RNLS: variants seen among roughly 807,000 people sequenced by gnomAD.
RNLS encodes the protein renalase, FAD dependent amine oxidase, also known as renalase.
In RNLS, 39 loss-of-function variants were observed where a neutral mutation model predicts 39.8. The ratio of observed to expected loss-of-function variants is 0.98; its 90% CI spans 0.76 to 1.28. RNLS has a LOEUF of 1.28. RNLS is among the 50% of genes most tolerant of loss of function. RNLS has a pLI of 0.00. For missense variants in RNLS, 410 were observed against 413.3 expected, an observed-to-expected ratio of 0.99 and a Z score of 0.07; for synonymous variants, 147 against 150.7, an observed-to-expected ratio of 0.98 and a Z score of 0.18.
chr10:88,321,648 CT>C (rs1268276321), intron 5 of RNLS, among the ~76,000 whole-genome samples: 3 of 151,848 alleles, frequency 2.0e-5, no homozygotes, highest in Admixed American at 2.0e-4. Context: ...ACAAAAGATT[CT>C]CAGAAGCTAT....
intron 4 of RNLS, among the ~76,000 whole-genome samples, chr10:88,377,235 CACATAT>C (rs1050638174): frequency 6.3e-5 from 3 of 47,548 alleles, no homozygotes; most frequent in Admixed American, 2.1e-4. Context: ...CACATACACA[CACATAT>C]ACACACACAC....
chr10:88,253,805 T>A, the RNLS span, among the ~76,000 whole-genome samples: 5 of 151,928 alleles, frequency 3.3e-5, no homozygotes, highest in African/African-American at 1.2e-4. Context: ...CTCCCTCCCC[T>A]CCTCCTGGCC....
At chr10:88,519,212 C>T (rs1846571986) in intron 4 of RNLS, among the ~76,000 whole-genome samples, 1 of 151,896 alleles carries the variant, frequency 6.6e-6, no homozygotes, top group Non-Finnish European at 1.5e-5. Context: ...ATCAAATATT[C>T]TATCCTTATC....
At chr10:88,473,251 G>A (rs1001762539) in intron 4 of RNLS, among the ~76,000 whole-genome samples, 1 of 152,116 alleles carries the variant, frequency 6.6e-6, no homozygotes, top group Non-Finnish European at 1.5e-5. Flanking sequence ...CCATTATGTG[G>A]CACATGACTG....
At position 88,528,468 on chromosome 10, in the gene RNLS, G is replaced by C. The variant is rs376855582; in HGVS notation, c.526+44435C>G. ...GAAACAGGATACAACATAGGGAAGAGGTGATGAGAATGCCCTGGATGATAA... is the reference window on the plus strand; with the variant it reads ...GAAACAGGATACAACATAGGGAAGACGTGATGAGAATGCCCTGGATGATAA... On this transcript the variant is annotated intron_variant, in intron 4 of 6. Coordinates refer to ENST00000331772, the MANE Select transcript of RNLS (RefSeq NM_001031709.3). Among the ~76,000 whole-genome samples the C allele has an allele frequency of 1.2e-4, 19 of 152,252 alleles. No individual in the cohort carries two copies. The East Asian group carries it at 3.1e-3, about 25-fold the overall frequency.
At chr10:88,554,226 C>A (rs1011423065) in intron 4 of RNLS, among the ~76,000 whole-genome samples, 1 of 151,030 alleles carries the variant, frequency 6.6e-6, no homozygotes, top group East Asian at 1.9e-4. Context: ...TATTTGAAGT[C>A]CTTAATTTTA....
At chr10:88,222,942 CAT>C in the RNLS span, among the ~76,000 whole-genome samples, 1 of 152,240 alleles carries the variant, frequency 6.6e-6, no homozygotes, top group Admixed American at 6.5e-5. Context: ...CTTTTGGAAG[CAT>C]AGTCTCAAAT....
Position 88,572,972 on chromosome 10 carries a change from G to C in RNLS, c.457C>G (p.Gln153Glu). 1.2e-6 allele frequency: 2 copies of C among 1,614,032 alleles called. No individual in the cohort carries two copies. The highest frequency in any genetic ancestry group is 1.6e-4 in the Middle Eastern group (1 of 6,062). ...ATTGTGAGAACAATAAGATCAAACTGCTCAGGGGAGCCTGTTTGTTTGGAT... is the reference window on the plus strand; with the variant it reads ...ATTGTGAGAACAATAAGATCAAACTCCTCAGGGGAGCCTGTTTGTTTGGAT... ...EVSKQTGSPE[Q>E]FDLIVLTMPV... The change falls in exon 4 of 7, where the codon CAG becomes GAG. Residue 153 changes from glutamine to glutamate, a missense_variant. By Grantham distance (29) the Gln-to-Glu change is conservative. Transcript: ENST00000331772.
rs529134087 is a variant in RNLS at position 88,526,517 on chromosome 10, C to G, written c.526+46386G>C. 2.6e-5 allele frequency among the ~76,000 whole-genome samples: 4 copies of G among 152,098 alleles called. No homozygotes were observed. In the East Asian group the frequency reaches 7.7e-4, roughly 29 times the overall value. On this transcript the variant is annotated intron_variant, in intron 4 of 6. Transcript: ENST00000331772. ...CTAGCTCAGGTCTGTAATCCCAACA[C>G]TTTGGGAGGCTGAGGTGGGAGGATC...
intron 4 of RNLS, among the ~76,000 whole-genome samples, chr10:88,487,755 A>T (rs1487432410): frequency 6.6e-6 from 1 of 152,190 alleles, no homozygotes; most frequent in East Asian, 1.9e-4. Context: ...AAAAGAAAAT[A>T]CATGTTCATA....
intron 5 of RNLS, among the ~76,000 whole-genome samples, chr10:88,360,213 C>T (rs558407234): frequency 6.6e-6 from 1 of 152,088 alleles, no homozygotes; most frequent in South Asian, 2.1e-4. Flanking sequence ...CCTAACAAAA[C>T]TCTATTTTAT....
At chr10:88,519,004 C>T (rs1336999219) in intron 4 of RNLS, among the ~76,000 whole-genome samples, 4 of 152,012 alleles carry the variant, frequency 2.6e-5, no homozygotes, top group African/African-American at 9.7e-5. Flanking sequence ...AATACTTTCT[C>T]CATCTTCCAC....
intron 4 of RNLS, among the ~76,000 whole-genome samples, chr10:88,553,532 C>G (rs992286635): frequency 6.6e-6 from 1 of 152,116 alleles, no homozygotes; most frequent in Non-Finnish European, 1.5e-5. Context: ...ATGGTAATCT[C>G]TCATTAAGAT....
chr10:88,360,333 C>A (rs1163689822), intron 5 of RNLS, among the ~76,000 whole-genome samples: 1 of 152,172 alleles, frequency 6.6e-6, no homozygotes, highest in Non-Finnish European at 1.5e-5. Context: ...TTTGCTAGCA[C>A]CTGGTTTTGG....
intron 4 of RNLS, among the ~76,000 whole-genome samples, chr10:88,427,437 T>A (rs910206934): frequency 6.6e-6 from 1 of 152,062 alleles, no homozygotes; most frequent in Admixed American, 6.6e-5. Flanking sequence ...TGTTGATCTC[T>A]TTCCAATATC....
At chr10:88,272,144 G>T (rs538179065), downstream of RNLS, among the ~76,000 whole-genome samples, 1 of 152,284 alleles carries the variant, frequency 6.6e-6, no homozygotes, top group East Asian at 1.9e-4. Flanking sequence ...CAGAACTGTT[G>T]CGTGCAGGGG....
the RNLS span, among the ~76,000 whole-genome samples, chr10:88,265,312 G>A: frequency 1.0e-4 from 13 of 128,932 alleles, no homozygotes; most frequent in East Asian, 2.3e-3. Context: ...CTTTGGCTAT[G>A]CAGGGTTTTT....
chr10:88,247,779 A>G, the RNLS span, among the ~76,000 whole-genome samples: 1 of 152,212 alleles, frequency 6.6e-6, no homozygotes, highest in African/African-American at 2.4e-5. Flanking sequence ...GGGTAGGCCC[A>G]ATATAATCAC....
the RNLS span, among the ~76,000 whole-genome samples, chr10:88,179,570 C>T: frequency 1.3e-5 from 2 of 152,158 alleles, no homozygotes; most frequent in Admixed American, 1.3e-4. Flanking sequence ...TCAGAATAGT[C>T]TTTGAATTTA....
Sources: allele counts gnomAD v4.1 joint callset (sites outside exome capture counted in the v4.1 genomes callset), GRCh38; gene constraint gnomAD v4.1.1; transcripts MANE v1.5; gene names NCBI Gene and HGNC (gene_info 2026-07-23, HGNC 2026-07-21).